MGAT4C: variants seen among roughly 807,000 people sequenced by gnomAD.
MGAT4C encodes alpha-1,3-mannosyl-glycoprotein 4-beta-N-acetylglucosaminyltransferase C.
MGAT4C carries 19 observed loss-of-function variants against 40.1 expected under a neutral mutation model. The ratio of observed to expected loss-of-function variants is 0.47; its 90% CI spans 0.33 to 0.70. The LOEUF (loss-of-function observed/expected upper bound fraction) is 0.70. Ranked by LOEUF, MGAT4C falls within the 30% of genes least tolerant of loss-of-function variation. The pLI, the probability that MGAT4C is intolerant of heterozygous loss-of-function variation, is 0.02. For synonymous variants in MGAT4C, 181 were observed against 187.1 expected, an observed-to-expected ratio of 0.97 and a Z score of 0.27; for missense variants, 491 against 563.2, an observed-to-expected ratio of 0.87 and a Z score of 1.30.
chr12:86,445,546 C>A (rs777679176), intron 2 of MGAT4C, among the ~76,000 whole-genome samples: 4 of 152,144 alleles, frequency 2.6e-5, no homozygotes, highest in Non-Finnish European at 5.9e-5. Flanking sequence ...CTCCTAGTTT[C>A]ATATTCAAGA....
chr12:86,217,883 A>C (rs1950731159), intron 1 of MGAT4C, among the ~76,000 whole-genome samples: 1 of 152,138 alleles, frequency 6.6e-6, no homozygotes, highest in South Asian at 2.1e-4. Context: ...TGATATAAGA[A>C]GGTTGTAGAA....
chr12:86,132,648 T>G (rs533409292), intron 1 of MGAT4C, among the ~76,000 whole-genome samples: 1 of 151,926 alleles, frequency 6.6e-6, no homozygotes, highest in South Asian at 2.1e-4. Flanking sequence ...AAAAATTAGC[T>G]GGGCATGGTG....
chr12:86,346,563 T>G (rs1047887722), intron 3 of MGAT4C, among the ~76,000 whole-genome samples: 3 of 152,164 alleles, frequency 2.0e-5, no homozygotes, highest in Admixed American at 2.0e-4. Flanking sequence ...CACAATTTGT[T>G]TAACTATTCA....
chr12:86,418,681 A>C (rs1956766583), intron 3 of MGAT4C, among the ~76,000 whole-genome samples: 1 of 152,112 alleles, frequency 6.6e-6, no homozygotes, highest in Admixed American at 6.6e-5. Flanking sequence ...TGAAAGTATA[A>C]ATGCATATTT....
At chr12:86,558,142 T>C (rs1044533440) in intron 2 of MGAT4C, among the ~76,000 whole-genome samples, 3 of 151,698 alleles carry the variant, frequency 2.0e-5, no homozygotes, top group African/African-American at 7.3e-5. Flanking sequence ...ACTTGAAAAG[T>C]TTTTTAATAA....
intron 4 of MGAT4C, among the ~76,000 whole-genome samples, chr12:86,292,182 T>C (rs1258205130): frequency 6.6e-6 from 1 of 152,062 alleles, no homozygotes; most frequent in South Asian, 2.1e-4. Flanking sequence ...GGATGTTTGG[T>C]GGTGGTGGTG....
intron 2 of MGAT4C, among the ~76,000 whole-genome samples, chr12:86,494,633 C>T (rs553708777): frequency 1.1e-4 from 17 of 148,274 alleles, no homozygotes; most frequent in Non-Finnish European, 1.5e-4. Context: ...AAAAAAAAAA[C>T]GTGCTTTAAA....
At chr12:86,639,585 G>A (rs912349393) in intron 2 of MGAT4C, among the ~76,000 whole-genome samples, 2 of 151,616 alleles carry the variant, frequency 1.3e-5, no homozygotes, top group African/African-American at 2.4e-5. Context: ...ATATTAAAAA[G>A]TGTCTAAGTT....
chr12:86,824,635 A>G (rs891120757), intron 1 of MGAT4C, among the ~76,000 whole-genome samples: 3 of 150,592 alleles, frequency 2.0e-5, no homozygotes, highest in Non-Finnish European at 4.5e-5. Flanking sequence ...GTCCCAGAGG[A>G]AAAAAAATGG....
rs1592665342 is a variant in MGAT4C, at chr12:86,298,487, A to G, written c.-57+35578T>C. ...TCATAATTTATGACCTAGGAATTCT[A>G]TTTCTAGAATTCTGTCATAAAGGAA... On this transcript the variant is annotated intron_variant, in intron 4 of 7. Transcript: ENST00000548651. Among the ~76,000 whole-genome samples, 3 of 152,124 alleles carry G rather than the reference A, an allele frequency of 2.0e-5. No homozygotes were observed. In the East Asian group the frequency reaches 5.8e-4, roughly 29 times the overall value.
At chr12:86,629,966 C>T (rs547697231) in intron 2 of MGAT4C, among the ~76,000 whole-genome samples, 6 of 151,860 alleles carry the variant, frequency 4.0e-5, no homozygotes, top group South Asian at 4.2e-4. Flanking sequence ...ATCCAGGAGC[C>T]GGTTTTTTGA....
chr12:86,678,251 C>T (rs765554260), intron 2 of MGAT4C, among the ~76,000 whole-genome samples: 8 of 152,044 alleles, frequency 5.3e-5, no homozygotes, highest in Non-Finnish European at 1.0e-4. Context: ...GCGCCACCAT[C>T]CTACATGAGC....
chr12:86,156,425 C>G (rs960526704), intron 1 of MGAT4C, among the ~76,000 whole-genome samples: 1 of 152,066 alleles, frequency 6.6e-6, no homozygotes, highest in Non-Finnish European at 1.5e-5. Context: ...CAGGTTCAAG[C>G]GATTCTCCTG....
chr12:86,633,484 GT>G (rs758693954), intron 2 of MGAT4C, among the ~76,000 whole-genome samples: 20 of 152,034 alleles, frequency 1.3e-4, no homozygotes, highest in Non-Finnish European at 2.5e-4. Context: ...GTAAGAGACT[GT>G]GACAACCATC....
At chr12:86,788,374 T>A (rs1252961626) in intron 1 of MGAT4C, among the ~76,000 whole-genome samples, 3 of 151,522 alleles carry the variant, frequency 2.0e-5, no homozygotes, top group Non-Finnish European at 4.4e-5. Flanking sequence ...GTTGATCTTG[T>A]CTCTCAGAAA....
At chr12:86,564,532 T>A (rs868277010) in intron 2 of MGAT4C, among the ~76,000 whole-genome samples, 5 of 152,348 alleles carry the variant, frequency 3.3e-5, no homozygotes, top group Middle Eastern at 3.4e-3. Context: ...GCAAACACAC[T>A]GGACTTATTG....
chr12:86,709,296 A>C (rs771886391), intron 2 of MGAT4C, among the ~76,000 whole-genome samples: 2 of 152,202 alleles, frequency 1.3e-5, no homozygotes, highest in Non-Finnish European at 2.9e-5. Context: ...AGGCTTCCCC[A>C]GCCACGTGGA....
intron 1 of MGAT4C, among the ~76,000 whole-genome samples, chr12:86,756,669 C>G (rs189612701): frequency 2.0e-5 from 3 of 152,070 alleles, no homozygotes; most frequent in Middle Eastern, 3.2e-3. Flanking sequence ...ATAACAGATA[C>G]AAGAACTATT....
chr12:86,619,847 G>T (rs982863911), intron 2 of MGAT4C, among the ~76,000 whole-genome samples: 8 of 152,020 alleles, frequency 5.3e-5, no homozygotes, highest in South Asian at 2.1e-4. Context: ...TACTTGTCTG[G>T]TTTTTCCACT....
Sources: allele counts gnomAD v4.1 joint callset (sites outside exome capture counted in the v4.1 genomes callset), GRCh38; gene constraint gnomAD v4.1.1; transcripts MANE v1.5; gene names NCBI Gene and HGNC (gene_info 2026-07-23, HGNC 2026-07-21).